Variants in SLC49A4 observed in about 807,000 individuals in gnomAD.
SLC49A4 encodes disrupted in renal cancer protein 2.
Under a neutral mutation model 50.6 loss-of-function variants are expected in SLC49A4, and 36 were observed. The observed-to-expected ratio is 0.71, with a 90% CI of 0.55 to 0.94. SLC49A4 has a LOEUF of 0.94. SLC49A4 is among the 40% of genes least tolerant of loss of function. The probability of loss-of-function intolerance (pLI) is 0.00; values close to 1 mark genes in which losing one functional copy is unlikely to be tolerated. For synonymous variants in SLC49A4, 248 were observed against 241.2 expected (o/e 1.03, Z -0.26); for missense variants, 503 against 605.7 (o/e 0.83, Z 1.78).
intron 5 of SLC49A4, among the ~76,000 whole-genome samples, chr3:122,851,954 TGTGA>T (rs1359557610): frequency 6.6e-6 from 1 of 152,036 alleles, no homozygotes; most frequent in Non-Finnish European, 1.5e-5. Flanking sequence ...TAAATTCATC[TGTGA>T]GTTACTTTAC....
At chr3:122,860,238 T>C (rs1474125670) in intron 7 of SLC49A4, 36 bp downstream of exon 7, 2 of 1,546,090 alleles carry the variant, frequency 1.3e-6, no homozygotes, top group African/African-American at 1.4e-5. Context: ...TTAATAAATA[T>C]TTTCATTCAC....
At chr3:122,848,835 C>G (rs1468810050) in intron 5 of SLC49A4, among the ~76,000 whole-genome samples, 2 of 152,130 alleles carry the variant, frequency 1.3e-5, no homozygotes, top group Admixed American at 6.6e-5. Flanking sequence ...CTCTTCTCTT[C>G]TAGCTATTTT....
rs537988432 is a variant in SLC49A4 at position 122,833,409 on chromosome 3, C to T, written c.796C>T (p.Arg266Trp). ...LPPSVAAASQRLSYRRSVCRL... is the reference protein window; with the variant it reads ...LPPSVAAASQWLSYRRSVCRL... ...TCCCAGTGTTGCTGCAGCTAGCCAG[C>T]GGCTGAGTTATCGGAGAAGCGTTTG... The change falls in exon 4 of 9, where the codon CGG becomes TGG. Residue 266 changes from arginine (R) to tryptophan (W), a missense_variant. By Grantham distance (101) the Arg-to-Trp change is moderately radical (BLOSUM62 -3). Coordinates refer to ENST00000261038, the MANE Select transcript of SLC49A4 (RefSeq NM_032839.3). 12 of 1,613,272 alleles carry T rather than the reference C, an allele frequency of 7.4e-6. No individual in the cohort carries two copies. Among genetic ancestry groups the T allele is most frequent in the Admixed American group, 6.7e-5 (4 of 59,942 alleles).
chr3:122,855,706 G>T (rs537442937), intron 5 of SLC49A4, among the ~76,000 whole-genome samples: 2 of 152,194 alleles, frequency 1.3e-5, no homozygotes, highest in Non-Finnish European at 2.9e-5. Context: ...CACTTCCTAT[G>T]TCTTGGCCAC....
At chr3:122,878,072 G>A (rs1423643558) in intron 8 of SLC49A4, among the ~76,000 whole-genome samples, 3 of 152,176 alleles carry the variant, frequency 2.0e-5, no homozygotes, top group African/African-American at 7.2e-5. Flanking sequence ...TCAGTTTTCT[G>A]ATTTCCATTC....
chr3:122,842,098 A>G (rs1452294950), intron 4 of SLC49A4, among the ~76,000 whole-genome samples: 1 of 152,230 alleles, frequency 6.6e-6, no homozygotes, highest in Non-Finnish European at 1.5e-5. Flanking sequence ...GTAGAGAGGT[A>G]GATTGGGATC....
chr3:122,849,507 G>A (rs1172470452), intron 5 of SLC49A4, among the ~76,000 whole-genome samples: 2 of 151,988 alleles, frequency 1.3e-5, no homozygotes, highest in African/African-American at 4.8e-5. Flanking sequence ...TGTCTTTTTG[G>A]TGATAGCTAT....
rs1364693452 is a variant in SLC49A4 at position 122,861,621 on chromosome 3, T to C, written c.1138+1419T>C. On this transcript the variant is annotated intron_variant, in intron 7 of 8. Transcript: ENST00000261038. ...AGGCAGGTGTTTTTGGTCTACATTA[T>C]ATGTAAGGAATATCCCACTTTGGAT... Among the ~76,000 whole-genome samples the C allele has an allele frequency of 3.3e-5, 5 of 152,222 alleles. No homozygotes were observed. In the East Asian group the frequency reaches 9.6e-4, roughly 29 times the overall value.
chr3:122,877,492 T>C (rs922732947), intron 8 of SLC49A4, among the ~76,000 whole-genome samples: 2 of 152,252 alleles, frequency 1.3e-5, no homozygotes, highest in African/African-American at 4.8e-5. Flanking sequence ...AAGATCTGTT[T>C]TGACAATATT....
At chr3:122,857,356 C>A (rs1003606080) in intron 6 of SLC49A4, among the ~76,000 whole-genome samples, 2 of 146,840 alleles carry the variant, frequency 1.4e-5, no homozygotes, top group Non-Finnish European at 3.0e-5. Context: ...TAAAACTATT[C>A]TTGGTATTTC....
intron 4 of SLC49A4, among the ~76,000 whole-genome samples, chr3:122,838,467 A>G (rs1407598101): frequency 1.3e-5 from 2 of 150,986 alleles, no homozygotes; most frequent in South Asian, 2.1e-4. Context: ...CAAAAAACCA[A>G]ACACCGCATG....
At chr3:122,807,129 A>G (rs1368323685) in intron 2 of SLC49A4, among the ~76,000 whole-genome samples, 179 bp downstream of exon 2, 1 of 152,132 alleles carries the variant, frequency 6.6e-6, no homozygotes, top group Non-Finnish European at 1.5e-5. Context: ...TGGAAATAAA[A>G]AGAGCAAGTT....
rs191133119 is a variant in SLC49A4, at chr3:122,875,873, T to C, written c.1321+3276T>C. 4.6e-5 allele frequency among the ~76,000 whole-genome samples: 7 copies of C among 152,308 alleles called. No individual in the cohort carries two copies. In the East Asian group the frequency reaches 9.7e-4, roughly 21 times the overall value. On this transcript the variant is annotated intron_variant, in intron 8 of 8. Transcript: ENST00000261038. ...GTTCTGCTGGCAATTTGCTTGCAGA[T>C]TAGAGCCATTGCAGTCATTGAGGGC...
chr3:122,795,463 G>A lies in SLC49A4; in HGVS notation c.271G>A (p.Ala91Thr). The A allele has an allele frequency of 6.2e-6, 10 of 1,606,946 alleles. No individual in the cohort carries two copies. The highest frequency in any genetic ancestry group is 8.5e-6 in the Non-Finnish European group (10 of 1,179,120). The change falls in exon 1 of 9, where the codon GCG becomes ACG. Residue 91 changes from alanine to threonine, a missense_variant. Physicochemically the swap from Ala to Thr is moderately conservative, Grantham distance 58. Transcript: ENST00000261038. Reference sequence around the variant, plus strand: ...CTACGGCTTCTCCAGCTGGGACATCGCGCTGCTCGTGCTGTGGGGGCCCAT... The same window carrying A: ...CTACGGCTTCTCCAGCTGGGACATCACGCTGCTCGTGCTGTGGGGGCCCAT... ...QAYGFSSWDI[A>T]LLVLWGPIGF... is the part of the protein sequence containing the mutation.
intron 2 of SLC49A4, among the ~76,000 whole-genome samples, chr3:122,817,127 A>C (rs1936378760): frequency 6.6e-6 from 1 of 152,220 alleles, no homozygotes; most frequent in Non-Finnish European, 1.5e-5. Context: ...GAAACAATAT[A>C]TGGGGGTATT....
intron 2 of SLC49A4, among the ~76,000 whole-genome samples, chr3:122,819,877 TATGGCATA>T (rs1936427538): frequency 3.3e-5 from 5 of 152,068 alleles, no homozygotes; most frequent in African/African-American, 1.2e-4. Context: ...TTTATTTTGA[TATGGCATA>T]ATTAGGAATT....
chr3:122,810,143 T>G (rs1416233647), intron 2 of SLC49A4, among the ~76,000 whole-genome samples: 1 of 152,194 alleles, frequency 6.6e-6, no homozygotes, highest in African/African-American at 2.4e-5. Flanking sequence ...ATGGCTCCCC[T>G]GCACCCTTGA....
chr3:122,880,000 C>T lies in SLC49A4; in HGVS notation c.*622C>T, dbSNP rs1937315200. ...TTCCAGTGACTTCTGAGCATAGGCA[C>T]TGTGTCTCCATCTCAACTTATCCTT... On this transcript the variant is annotated 3_prime_UTR_variant, in exon 9 of 9. Transcript: ENST00000261038. 6.6e-6 allele frequency: 1 copy of T among 152,630 alleles called. No homozygotes were observed. The highest frequency in any genetic ancestry group is 2.4e-5 in the African/African-American group (1 of 41,458). The allele number at this position is 152,630 out of a possible 1,614,324, so 9.5% of individuals were successfully genotyped here.
At chr3:122,865,887 C>A (rs1223017232) in intron 7 of SLC49A4, among the ~76,000 whole-genome samples, 1 of 152,114 alleles carries the variant, frequency 6.6e-6, no homozygotes, top group Non-Finnish European at 1.5e-5. Context: ...AGATATAATT[C>A]TTGATTCTAC....
Sources: allele counts gnomAD v4.1 joint callset (sites outside exome capture counted in the v4.1 genomes callset), GRCh38; gene constraint gnomAD v4.1.1; transcripts MANE v1.5; gene names NCBI Gene and HGNC (gene_info 2026-07-23, HGNC 2026-07-21).